The following CHODL variants were observed in gnomAD, a reference collection of about 807,000 sequenced individuals.
CHODL encodes transmembrane protein MT75.
CHODL carries 29 observed loss-of-function variants against 34.5 expected under a neutral mutation model. That is an observed-to-expected ratio of 0.84 (90% CI 0.63 to 1.15). CHODL has a LOEUF of 1.15. Ranked by LOEUF, CHODL falls within the 50% of genes most tolerant of loss-of-function variation. CHODL has a pLI of 0.00. For synonymous variants in CHODL, 125 were observed against 116.1 expected (o/e 1.08, Z -0.49); for missense variants, 332 against 332.5 (o/e 1.00, Z 0.01).
intron 1 of CHODL, among the ~76,000 whole-genome samples, chr21:18,005,278 T>C (rs1391649385): frequency 6.6e-6 from 1 of 152,264 alleles, no homozygotes; most frequent in Non-Finnish European, 1.5e-5. Context: ...TTCTTACCTA[T>C]AATTCATAAG....
intron 1 of CHODL, among the ~76,000 whole-genome samples, chr21:18,247,903 A>C (rs1601198006): frequency 6.6e-6 from 1 of 152,086 alleles, no homozygotes. Flanking sequence ...TGTAGGCATA[A>C]GGATAAATAT....
chr21:18,266,827 C>T lies in CHODL; in HGVS notation c.*789C>T, dbSNP rs1451406374. On this transcript the variant is annotated 3_prime_UTR_variant, in exon 6 of 6. Transcript: ENST00000299295. ...AACTTTGTTAATAGGTGCATAAACA[C>T]TAATGCAGTCAATTTGAACAAAAGA... 3 of 152,586 alleles carry T rather than the reference C, an allele frequency of 2.0e-5. No individual in the cohort carries two copies. Among genetic ancestry groups the T allele is most frequent in the Admixed American group, 6.5e-5 (1 of 15,272 alleles). The allele number at this position is 152,586 out of a possible 1,614,324, so 9.5% of individuals were successfully genotyped here. A position where few individuals can be genotyped will look rare whatever the true frequency, so the allele number is the denominator to read the frequency against.
chr21:18,241,322 ATTTAT>A (rs896241998), upstream of CHODL, among the ~76,000 whole-genome samples: 1 of 152,152 alleles, frequency 6.6e-6, no homozygotes, highest in Non-Finnish European at 1.5e-5. Context: ...ACTTTCAAAT[ATTTAT>A]TTTTCTATAT....
intron 2 of CHODL, among the ~76,000 whole-genome samples, chr21:18,095,493 AAT>A (rs1369843356): frequency 2.6e-4 from 39 of 152,312 alleles, no homozygotes; most frequent in African/African-American, 7.9e-4. Context: ...AATAACAAGT[AAT>A]GAGATTGAAC....
intron 1 of CHODL, among the ~76,000 whole-genome samples, chr21:17,964,646 A>G (rs1048115051): frequency 6.6e-6 from 1 of 152,220 alleles, no homozygotes; most frequent in African/African-American, 2.4e-5. Flanking sequence ...TATTTCCCAG[A>G]CAAATAATTC....
chr21:18,001,606 T>C (rs1443373387), intron 1 of CHODL, among the ~76,000 whole-genome samples: 2 of 152,210 alleles, frequency 1.3e-5, no homozygotes, highest in Non-Finnish European at 2.9e-5. Flanking sequence ...GTTTACACTA[T>C]ATTACATTGT....
intron 2 of CHODL, among the ~76,000 whole-genome samples, chr21:18,203,704 T>A (rs953306338): frequency 5.3e-5 from 8 of 152,128 alleles, no homozygotes; most frequent in Admixed American, 2.6e-4. Flanking sequence ...AAATAAAGCC[T>A]AACTAATTTG....
intron 2 of CHODL, among the ~76,000 whole-genome samples, chr21:18,125,238 A>T (rs1052530800): frequency 3.3e-5 from 5 of 152,196 alleles, no homozygotes; most frequent in Admixed American, 6.5e-5. Context: ...AACACATGGA[A>T]TGTTTGTTGT....
At chr21:18,261,809 A>G (rs73318265) in intron 4 of CHODL, among the ~76,000 whole-genome samples, 3,451 of 152,248 alleles carry the variant, frequency 0.023, 125 homozygotes, top group African/African-American at 0.077. Flanking sequence ...GCATTATCAA[A>G]TGTGATGGAA....
At chr21:17,960,962 A>G (rs1018501352) in intron 1 of CHODL, among the ~76,000 whole-genome samples, 11 of 152,096 alleles carry the variant, frequency 7.2e-5, no homozygotes, top group African/African-American at 2.4e-4. Flanking sequence ...ATCTTTTTTT[A>G]TGTTTTAGTT....
At chr21:18,125,565 T>TTTAATTAATTGTATTAATTACATTTAA (rs1372374866) in intron 2 of CHODL, among the ~76,000 whole-genome samples, 256 of 152,164 alleles carry the variant, frequency 1.7e-3, no homozygotes, top group Middle Eastern at 0.01. Context: ...TATTTTTAAA[T>TTTAATTAATTGTATTAATTACATTTAA]TTAATTAATT....
At chr21:18,130,321 A>T (rs1302894919) in intron 2 of CHODL, among the ~76,000 whole-genome samples, 2 of 152,216 alleles carry the variant, frequency 1.3e-5, no homozygotes, top group Admixed American at 6.5e-5. Flanking sequence ...GTTAGGTATT[A>T]TTATTATTCC....
intron 1 of CHODL, among the ~76,000 whole-genome samples, chr21:18,019,472 T>C (rs933369755): frequency 1.3e-5 from 2 of 152,140 alleles, no homozygotes; most frequent in Non-Finnish European, 2.9e-5. Context: ...AAGAGTATAA[T>C]TCAGTTGTTT....
chr21:17,990,191 A>C (rs1044767397), intron 1 of CHODL, among the ~76,000 whole-genome samples: 1 of 152,032 alleles, frequency 6.6e-6, no homozygotes, highest in African/African-American at 2.4e-5. Flanking sequence ...AAAATATAAA[A>C]ACATTATAAT....
chr21:17,938,552 C>A (rs992915590), intron 1 of CHODL, among the ~76,000 whole-genome samples: 8 of 135,436 alleles, frequency 5.9e-5, no homozygotes, highest in African/African-American at 2.2e-4. Context: ...GATCTCGGCT[C>A]ACTGCAAGCT....
At chr21:18,058,680 G>T (rs1482597009) in intron 2 of CHODL, among the ~76,000 whole-genome samples, 1 of 152,130 alleles carries the variant, frequency 6.6e-6, no homozygotes, top group Non-Finnish European at 1.5e-5. Flanking sequence ...CCATTTCTGT[G>T]TCACAAAATA....
chr21:18,188,723 T>C (rs9305851), intron 2 of CHODL, among the ~76,000 whole-genome samples: 19,710 of 152,180 alleles, frequency 0.13, 1,795 homozygotes, highest in African/African-American at 0.25. Flanking sequence ...CACCCAACTT[T>C]CATATTTGTT....
intron 2 of CHODL, among the ~76,000 whole-genome samples, chr21:18,142,020 C>T (rs887739414): frequency 6.6e-6 from 1 of 151,956 alleles, no homozygotes; most frequent in Non-Finnish European, 1.5e-5. Flanking sequence ...TAAGGAGGTG[C>T]CCCCAAAGAA....
At chr21:18,248,668 TA>T (rs2074177307) in intron 1 of CHODL, among the ~76,000 whole-genome samples, 3 of 101,612 alleles carry the variant, frequency 3.0e-5, no homozygotes, top group Admixed American at 2.2e-4. Flanking sequence ...TATATATGTA[TA>T]ATACATATAT....
Sources: gnomAD v4.1 joint callset for allele counts (sites outside exome capture counted in the v4.1 genomes callset) on GRCh38, gnomAD v4.1.1 for gene constraint, MANE v1.5 for transcripts, NCBI Gene and HGNC (gene_info 2026-07-23, HGNC 2026-07-21) for gene names.